TNFAIP8: variants seen among roughly 807,000 people sequenced by gnomAD.
TNFAIP8 encodes tumor necrosis factor alpha-induced protein 8.
TNFAIP8 carries 7 observed loss-of-function variants against 13.3 expected under a neutral mutation model. The ratio of observed to expected loss-of-function variants is 0.52; its 90% confidence interval spans 0.30 to 0.99. The LOEUF is 0.99. Among genes scored for constraint, TNFAIP8 ranks in the 50% least tolerant of loss-of-function variants. TNFAIP8 has a pLI of 0.07. For synonymous variants in TNFAIP8, 94 were observed against 87.6 expected, an observed-to-expected ratio of 1.07 and a Z score of -0.41; for missense variants, 258 against 236.9, an observed-to-expected ratio of 1.09 and a Z score of -0.58.
chr5:119,278,465 T>C (rs967430265), intron 1 of TNFAIP8, among the ~76,000 whole-genome samples: 2 of 151,826 alleles, frequency 1.3e-5, no homozygotes, highest in Admixed American at 1.3e-4. Context: ...TCTCTAGTAG[T>C]GTCTATCCCT....
At chr5:119,311,688 C>CAA (rs55965350) in intron 1 of TNFAIP8, among the ~76,000 whole-genome samples, 1,160 of 66,622 alleles carry the variant, frequency 0.017, 114 homozygotes, top group African/African-American at 0.07. Context: ...GACTCCGTCT[C>CAA]AAAAAAAAAA....
At chr5:119,370,850 A>C (rs1410994990) in intron 1 of TNFAIP8, among the ~76,000 whole-genome samples, 9 of 152,236 alleles carry the variant, frequency 5.9e-5, no homozygotes. Flanking sequence ...TTAAAACTTT[A>C]GAGAGCTGGG....
At chr5:119,325,948 A>G (rs551964588) in intron 1 of TNFAIP8, among the ~76,000 whole-genome samples, 2 of 152,368 alleles carry the variant, frequency 1.3e-5, no homozygotes, top group Non-Finnish European at 2.9e-5. Flanking sequence ...GGTCTCCGTC[A>G]GAACCTCCTG....
intron 1 of TNFAIP8, among the ~76,000 whole-genome samples, chr5:119,319,616 T>C (rs574229210): frequency 1.5e-4 from 23 of 152,270 alleles, no homozygotes; most frequent in African/African-American, 4.8e-4. Context: ...TGCTTAAGGA[T>C]TGAGTGGATT....
chr5:119,320,886 A>T (rs1165873718), intron 1 of TNFAIP8, among the ~76,000 whole-genome samples: 3 of 93,590 alleles, frequency 3.2e-5, no homozygotes, highest in Non-Finnish European at 8.7e-5. Context: ...TTAACCTGCT[A>T]AAAAAAAAAC....
intron 1 of TNFAIP8, among the ~76,000 whole-genome samples, chr5:119,372,127 A>G (rs1752099236): frequency 1.4e-5 from 2 of 147,436 alleles, no homozygotes; most frequent in Non-Finnish European, 3.0e-5. Flanking sequence ...ACAGAGCAAG[A>G]CTCCATCTCA....
At chr5:119,268,852 G>C in exon 1 of TNFAIP8, 2 of 702,086 alleles carry the variant, frequency 2.8e-6, no homozygotes, top group Non-Finnish European at 5.2e-6. Context: ...ACTCGGCGCC[G>C]CCAAACAGCC....
At chr5:119,373,694 A>G (rs1752173332) in intron 1 of TNFAIP8, among the ~76,000 whole-genome samples, 1 of 152,224 alleles carries the variant, frequency 6.6e-6, no homozygotes, top group African/African-American at 2.4e-5. Context: ...TGTTTCCCAA[A>G]TATGGTACGT....
intron 1 of TNFAIP8, among the ~76,000 whole-genome samples, chr5:119,277,831 G>T (rs1476868566): frequency 6.6e-6 from 1 of 152,150 alleles, no homozygotes; most frequent in East Asian, 1.9e-4. Flanking sequence ...CCAAGAGGGT[G>T]CTTTCTTGCT....
At chr5:119,272,769 C>T (rs1748327622) in intron 1 of TNFAIP8, among the ~76,000 whole-genome samples, 1 of 152,236 alleles carries the variant, frequency 6.6e-6, no homozygotes, top group African/African-American at 2.4e-5. Context: ...TCAGAACCAG[C>T]TGCAAAGCTG....
rs1185391014 is a variant in TNFAIP8, at chr5:119,394,002, A to C, written c.*621A>C. 1.3e-5 allele frequency: 2 copies of C among 152,238 alleles called. No homozygotes were observed. The highest frequency in any genetic ancestry group is 2.9e-5 in the Non-Finnish European group (2 of 68,058). The allele number at this position is 152,238 out of a possible 1,614,324, so 9.4% of individuals were successfully genotyped here. A position where few individuals can be genotyped will look rare whatever the true frequency, so the allele number is the denominator to read the frequency against. On this transcript the variant is annotated 3_prime_UTR_variant, in exon 2 of 2. Coordinates refer to ENST00000504771, the MANE Select transcript of TNFAIP8 (RefSeq NM_014350.4). ...TATTATGAATAATGTCCAGTATAAG[A>C]ATATGCTTCTGGAATTGAGTTCTCC... is the stretch of plus-strand genomic sequence containing the variant.
intron 1 of TNFAIP8, among the ~76,000 whole-genome samples, chr5:119,274,030 T>G (rs1043753129): frequency 4.6e-5 from 7 of 152,106 alleles, no homozygotes; most frequent in African/African-American, 1.2e-4. Flanking sequence ...CAAAATGAGG[T>G]TTTTTGTTTG....
chr5:119,306,607 A>G (rs1001669480), intron 1 of TNFAIP8: 8 of 152,134 alleles, frequency 5.3e-5, no homozygotes, highest in Non-Finnish European at 8.8e-5. Flanking sequence ...AGCTGGGACT[A>G]TGGGCACATG....
At chr5:119,338,926 A>T (rs1263544239) in intron 1 of TNFAIP8, among the ~76,000 whole-genome samples, 3 of 152,164 alleles carry the variant, frequency 2.0e-5, no homozygotes, top group Non-Finnish European at 2.9e-5. Context: ...GTGTACCTGT[A>T]GTCCCAGCTA....
Position 119,388,385 on chromosome 5 carries a change from A to G in TNFAIP8, c.32-4431A>G, listed in dbSNP as rs539583637. On this transcript the variant is annotated intron_variant, in intron 1 of 1. Transcript: ENST00000504771. ...TTTACAACTCTCGTTTTACAGGCCA[A>G]CATGTTTTCATAGAAAAGTATTTGA... Among the ~76,000 whole-genome samples the G allele has an allele frequency of 4.6e-5, 7 of 152,360 alleles. No homozygotes were observed. In the East Asian group the frequency reaches 1.2e-3, roughly 25 times the overall value.
intron 1 of TNFAIP8, among the ~76,000 whole-genome samples, chr5:119,285,345 G>GA (rs1442282648): frequency 2.6e-5 from 4 of 152,124 alleles, no homozygotes; most frequent in African/African-American, 9.7e-5. Context: ...TTAAGCATGG[G>GA]AACCAGGGAG....
upstream of TNFAIP8, among the ~76,000 whole-genome samples, chr5:119,351,792 TTTTC>T (rs772568709): frequency 0.042 from 6,114 of 146,070 alleles, 199 homozygotes; most frequent in Non-Finnish European, 0.055. Flanking sequence ...CTTTTTCTTT[TTTTC>T]TTTTTTTTTT....
At chr5:119,360,942 C>A (rs1402670969) in intron 1 of TNFAIP8, among the ~76,000 whole-genome samples, 1 of 152,092 alleles carries the variant, frequency 6.6e-6, no homozygotes, top group Non-Finnish European at 1.5e-5. Context: ...AAGTTGTAGA[C>A]CAAGTGAGAG....
intron 1 of TNFAIP8, among the ~76,000 whole-genome samples, chr5:119,292,685 T>TATATATATATATATAC (rs1470227218): frequency 1.9e-5 from 1 of 52,318 alleles, no homozygotes; most frequent in African/African-American, 5.3e-5. Context: ...TATATATATA[T>TATATATATATATATAC]ACACACACAC....
Sources: gnomAD v4.1 joint callset for allele counts (sites outside exome capture counted in the v4.1 genomes callset) on GRCh38, gnomAD v4.1.1 for gene constraint, MANE v1.5 for transcripts, NCBI Gene and HGNC (gene_info 2026-07-23, HGNC 2026-07-21) for gene names.